The following MSN variants were observed in gnomAD, a reference collection of about 807,000 sequenced individuals.
MSN encodes the protein moesin.
Under a neutral mutation model 48.0 loss-of-function variants are expected in MSN, and 2 were observed. That is an observed-to-expected ratio of 0.04 (90% CI 0.02 to 0.13). The LOEUF (loss-of-function observed/expected upper bound fraction) is 0.13, where lower values mean the gene tolerates loss of function less well. Among genes scored for constraint, MSN ranks in the 10% least tolerant of loss-of-function variants. MSN has a pLI of 1.00. For synonymous variants in MSN, 146 were observed against 166.9 expected, an observed-to-expected ratio of 0.87 and a Z score of 0.97; for missense variants, 267 against 470.1, an observed-to-expected ratio of 0.57 and a Z score of 3.99.
intron 1 of MSN, among the ~76,000 whole-genome samples, chrX:65,646,946 T>TCAAAA (rs916535597): frequency 2.1e-4 from 23 of 110,847 alleles, no homozygotes; most frequent in East Asian, 1.7e-3. Flanking sequence ...AAGCTCCATC[T>TCAAAA]CAAAACAAAA....
At chrX:65,695,085 T>C (rs1602809124) in intron 1 of MSN, among the ~76,000 whole-genome samples, 1 of 103,616 alleles carries the variant, frequency 9.7e-6, no homozygotes, top group Non-Finnish European at 1.9e-5. Flanking sequence ...TGTCTGCGTG[T>C]GTGTGTGTGT....
At chrX:65,706,489 G>A (rs931653766) in intron 1 of MSN, among the ~76,000 whole-genome samples, 2 of 111,945 alleles carry the variant, frequency 1.8e-5, no homozygotes, top group African/African-American at 6.5e-5. Context: ...AGGTGGAAAT[G>A]AGGTCATTGA....
At chrX:65,616,808 G>GT (rs1346753252) in intron 1 of MSN, among the ~76,000 whole-genome samples, 3 of 109,605 alleles carry the variant, frequency 2.7e-5, no homozygotes, top group Non-Finnish European at 5.7e-5. Context: ...AATGCTTCCA[G>GT]TTTTTTCCCA....
chrX:65,640,448 T>C (rs929681106), intron 1 of MSN, among the ~76,000 whole-genome samples: 2 of 111,792 alleles, frequency 1.8e-5, no homozygotes, highest in African/African-American at 6.5e-5. Flanking sequence ...GGGAGGCTAA[T>C]GCAGGAGAAC....
At chrX:65,672,163 C>CG (rs754455026) in intron 1 of MSN, among the ~76,000 whole-genome samples, 26 of 112,112 alleles carry the variant, frequency 2.3e-4, no homozygotes, top group Non-Finnish European at 3.9e-4. Context: ...ACTGGAATTT[C>CG]TAGACTCAGG....
At chrX:65,644,879 G>A (rs1160345835) in intron 1 of MSN, among the ~76,000 whole-genome samples, 1 of 112,431 alleles carries the variant, frequency 8.9e-6, no homozygotes, top group Admixed American at 9.4e-5. Flanking sequence ...AAGGAATTTG[G>A]ACTTTTCCCT....
chrX:65,642,369 G>A (rs1481601818), intron 1 of MSN, among the ~76,000 whole-genome samples: 1 of 109,280 alleles, frequency 9.2e-6, no homozygotes, highest in East Asian at 2.9e-4. Flanking sequence ...GTGTGTGTGT[G>A]TGTGTGTGTG....
rs1452750749 is a variant in MSN, at chrX:65,739,612, T to C, written c.1570-117T>C. On this transcript the variant is annotated intron_variant, in intron 12 of 12. Transcript: ENST00000360270. Reference sequence around the variant, plus strand: ...GGAAATGACTCTCAATATTTATATATAGAGAGAAAGGGTGAGGAAGAAAGA... The same window carrying C: ...GGAAATGACTCTCAATATTTATATACAGAGAGAAAGGGTGAGGAAGAAAGA... 18 of 821,387 alleles carry C rather than the reference T, an allele frequency of 2.2e-5. No individual in the cohort carries two copies. The East Asian group carries it at 4.7e-4, about 21-fold the overall frequency. The allele number at this position is 821,387 out of a possible 1,213,427, so 67.7% of individuals were successfully genotyped here. A position where few individuals can be genotyped will look rare whatever the true frequency, so the allele number is the denominator to read the frequency against.
chrX:65,614,810 C>T (rs747578393), intron 1 of MSN, among the ~76,000 whole-genome samples: 1 of 98,154 alleles, frequency 1.0e-5, no homozygotes, highest in Non-Finnish European at 2.0e-5. Flanking sequence ...CCCACTAACT[C>T]GTCATCTAGC....
chrX:65,739,902 C>T lies in MSN; in HGVS notation c.*9C>T, dbSNP rs1269975179. On this transcript the variant is annotated 3_prime_UTR_variant, in exon 13 of 13. Transcript: ENST00000360270. ...AATTTGAGTCTATGTAATGGGCACC[C>T]AGCCTCTAGGGACCCCTCCTCCCTT... is the stretch of plus-strand genomic sequence containing the variant. The T allele has an allele frequency of 1.7e-6, 2 of 1,202,293 alleles. No individual in the cohort carries two copies. The highest frequency in any genetic ancestry group is 2.2e-6 in the Non-Finnish European group (2 of 890,339).
intron 1 of MSN, among the ~76,000 whole-genome samples, chrX:65,654,892 GGTAATA>G (rs1358155213): frequency 1.8e-5 from 2 of 110,968 alleles, no homozygotes; most frequent in Non-Finnish European, 3.8e-5. Flanking sequence ...TTTATGCCAG[GGTAATA>G]GTTTTTATTG....
Position 65,620,635 on chromosome X carries a change from T to G in MSN, c.-22+32023T>G, listed in dbSNP as rs767170512. On this transcript the variant is annotated intron_variant, in intron 1 of 3. Transcript: ENST00000609672. ...GCACTCCCTAGTGAGATGAACCCGG[T>G]ACCTCAGATGGAAATGCAGAAATCA... 8.0e-5 allele frequency among the ~76,000 whole-genome samples: 9 copies of G among 112,547 alleles called. No individual in the cohort carries two copies. The Admixed American group carries it at 8.5e-4, about 11-fold the overall frequency.
chrX:65,734,990 T>C (rs2071660353), intron 7 of MSN, among the ~76,000 whole-genome samples: 1 of 111,807 alleles, frequency 8.9e-6, no homozygotes, highest in Non-Finnish European at 1.9e-5. Flanking sequence ...CAAGCAAAGA[T>C]TGAAAGAAAT....
intron 1 of MSN, among the ~76,000 whole-genome samples, chrX:65,648,540 G>A (rs946041145): frequency 9.1e-6 from 1 of 109,960 alleles, no homozygotes; most frequent in African/African-American, 3.3e-5. Context: ...GCAACAGAGA[G>A]AGACTCCGTC....
chrX:65,670,914 AT>A lies in MSN; in HGVS notation c.12+3062del, dbSNP rs2070930612. Among the ~76,000 whole-genome samples the A allele has an allele frequency of 5.1e-5, 2 of 39,082 alleles. 1 individual carries two copies. Among genetic ancestry groups the A allele is most frequent in the Non-Finnish European group, 9.3e-5 (2 of 21,447 alleles). The allele number at this position is 39,082 out of a possible 115,157, so 33.9% of individuals were successfully genotyped here. On this transcript the variant is annotated intron_variant, in intron 1 of 12. Coordinates refer to ENST00000360270, the MANE Select transcript of MSN (RefSeq NM_002444.3). ...ATGACAGTTATATATATATATATATATATATATATATATATATATATATATA... is the reference window on the plus strand; with the variant it reads ...ATGACAGTTATATATATATATATATAATATATATATATATATATATATATA...
At chrX:65,697,417 G>A (rs2071255799) in intron 1 of MSN, among the ~76,000 whole-genome samples, 1 of 111,855 alleles carries the variant, frequency 8.9e-6, no homozygotes, top group Non-Finnish European at 1.9e-5. Flanking sequence ...ATAGGGTGGG[G>A]AGGGAAGACA....
At chrX:65,695,102 GT>G (rs2071218856) in intron 1 of MSN, among the ~76,000 whole-genome samples, 1 of 93,096 alleles carries the variant, frequency 1.1e-5, no homozygotes, top group African/African-American at 7.5e-5. Flanking sequence ...GTGTGTGTGT[GT>G]GTGTGTGGTG....
At chrX:65,693,477 G>A (rs2071196296) in intron 1 of MSN, among the ~76,000 whole-genome samples, 1 of 111,576 alleles carries the variant, frequency 9.0e-6, no homozygotes, top group Non-Finnish European at 1.9e-5. Context: ...AGGGACTAAA[G>A]AATATTTATG....
intron 1 of MSN, among the ~76,000 whole-genome samples, chrX:65,695,365 T>C (rs1422575090): frequency 1.8e-5 from 2 of 109,315 alleles, no homozygotes; most frequent in Non-Finnish European, 3.8e-5. Context: ...CCATGCGTGG[T>C]GGCACATGCC....
Sources: allele counts gnomAD v4.1 joint callset (sites outside exome capture counted in the v4.1 genomes callset), GRCh38; gene constraint gnomAD v4.1.1; transcripts MANE v1.5; gene names NCBI Gene and HGNC (gene_info 2026-07-23, HGNC 2026-07-21).